Variants in SLC38A11 observed in about 807,000 individuals in gnomAD.
SLC38A11 encodes the protein solute carrier family 38 member 11.
A neutral mutation model predicts 49.4 loss-of-function variants in SLC38A11; 51 were observed. That is an observed-to-expected ratio of 1.03 (90% CI 0.83 to 1.30). The LOEUF is 1.30. Among genes scored for constraint, SLC38A11 ranks in the 50% most tolerant of loss-of-function variants. The pLI, the probability that SLC38A11 is intolerant of heterozygous loss-of-function variation, is 0.00. For synonymous variants in SLC38A11, 203 were observed against 192.9 expected (o/e 1.05, Z -0.43); for missense variants, 574 against 556.2 (o/e 1.03, Z -0.32).
At chr2:164,925,782 A>G (rs1686530831) in intron 7 of SLC38A11, among the ~76,000 whole-genome samples, 1 of 152,176 alleles carries the variant, frequency 6.6e-6, no homozygotes, top group African/African-American at 2.4e-5. Flanking sequence ...TCTTCAGAAA[A>G]GGAGTGTGAT....
intron 3 of SLC38A11, among the ~76,000 whole-genome samples, chr2:164,947,379 G>A (rs866712783): frequency 5.9e-5 from 9 of 151,858 alleles, no homozygotes; most frequent in Admixed American, 1.3e-4. Context: ...TGATCCACCC[G>A]CCTAGGCCTC....
In SLC38A11 at chr2:164,897,981, A is replaced by C. The variant is rs1448952583; in HGVS notation, c.*456T>G. 1 of 153,362 alleles carries C rather than the reference A, an allele frequency of 6.5e-6. No individual in the cohort carries two copies. Among genetic ancestry groups the C allele is most frequent in the Non-Finnish European group, 1.4e-5 (1 of 69,134 alleles). 9.5% of individuals were successfully genotyped at this position (153,362 alleles called of 1,614,324 possible). On this transcript the variant is annotated 3_prime_UTR_variant, in exon 12 of 12. Coordinates refer to ENST00000685975, the MANE Select transcript of SLC38A11 (RefSeq NM_001351537.2). The stretch of plus-strand genomic sequence containing the variant: ...CGGAGAGCTCCTCTTTGTTCTTGGG[A>C]TATGTCTTCTTTTCAATCGTTTTGG...
At chr2:164,935,410 C>T (rs761939985) in intron 7 of SLC38A11, among the ~76,000 whole-genome samples, 9 of 150,320 alleles carry the variant, frequency 6.0e-5, no homozygotes, top group Non-Finnish European at 1.0e-4. Context: ...TGGTTTACAC[C>T]TGTTAATCCC....
At chr2:164,905,870 T>C (rs955582886) in intron 11 of SLC38A11, among the ~76,000 whole-genome samples, 2 of 152,170 alleles carry the variant, frequency 1.3e-5, no homozygotes, top group African/African-American at 4.8e-5. Flanking sequence ...AAATAGATAT[T>C]CACAATGTAT....
At chr2:164,952,468 C>T (rs576635942) in intron 3 of SLC38A11, among the ~76,000 whole-genome samples, 4 of 152,208 alleles carry the variant, frequency 2.6e-5, no homozygotes, top group African/African-American at 4.8e-5. Context: ...GAAAAAGGCA[C>T]ATGAAAAGGA....
At chr2:164,948,289 G>A (rs1168441166) in intron 3 of SLC38A11, among the ~76,000 whole-genome samples, 1 of 152,188 alleles carries the variant, frequency 6.6e-6, no homozygotes, top group Non-Finnish European at 1.5e-5. Flanking sequence ...ATTGTATTTG[G>A]AGTCAGATAA....
chr2:164,954,958 TC>T (rs1688750879), intron 1 of SLC38A11, among the ~76,000 whole-genome samples: 1 of 151,974 alleles, frequency 6.6e-6, no homozygotes, highest in Non-Finnish European at 1.5e-5. Context: ...TCCTAAAATT[TC>T]CAGATTACAG....
intron 5 of SLC38A11, 55 bp from the exon 6 acceptor site, chr2:164,939,611 C>A: frequency 8.7e-7 from 1 of 1,143,984 alleles, no homozygotes; most frequent in Non-Finnish European, 1.3e-6. Flanking sequence ...ACATTGGTGA[C>A]ACACTAAATA....
chr2:164,947,537 C>T (rs1159862137), intron 3 of SLC38A11, among the ~76,000 whole-genome samples: 1 of 151,988 alleles, frequency 6.6e-6, no homozygotes, highest in Non-Finnish European at 1.5e-5. Context: ...CAGCTCAGAC[C>T]CCCTTCAAAA....
At position 164,915,288 on chromosome 2, in the gene SLC38A11, A is replaced by G; in HGVS notation, c.689-15T>C. On this transcript the variant is annotated splice_polypyrimidine_tract_variant and intron_variant, in intron 8 of 11. Transcript: ENST00000685975. Reference sequence around the variant, plus strand: ...GCAAATAAATGCTGCAATACAAAAAAAAAGAGCATTATTAAATCAAGCACC... The same window carrying G: ...GCAAATAAATGCTGCAATACAAAAAGAAAGAGCATTATTAAATCAAGCACC... The G allele has an allele frequency of 1.3e-6, 2 of 1,578,946 alleles. No homozygotes were observed. Among genetic ancestry groups the G allele is most frequent in the Non-Finnish European group, 1.7e-6 (2 of 1,168,678 alleles).
rs2105435387 is a variant in SLC38A11, at chr2:164,895,691, C to G, written c.*2746G>C. ...CCAGGCAAGGCAGTTTACTTCTTCT[C>G]CCATCCAAGTACTAACAAGGCCAGA... is the stretch of plus-strand genomic sequence containing the variant. On this transcript the variant is annotated 3_prime_UTR_variant, in exon 12 of 12. Coordinates refer to ENST00000685975, the MANE Select transcript of SLC38A11 (RefSeq NM_001351537.2). 6.6e-6 allele frequency: 1 copy of G among 152,280 alleles called. No homozygotes were observed. The highest frequency in any genetic ancestry group is 2.1e-4 in the South Asian group (1 of 4,826). The allele number at this position is 152,280 out of a possible 1,614,324, so 9.4% of individuals were successfully genotyped here.
Position 164,898,397 on chromosome 2 carries a change from T to G in SLC38A11, c.*40A>C. 1.4e-6 allele frequency: 2 copies of G among 1,419,750 alleles called. No individual in the cohort carries two copies. Among genetic ancestry groups the G allele is most frequent in the African/African-American group, 2.9e-5 (2 of 69,832 alleles). 87.9% of individuals were successfully genotyped at this position (1,419,750 alleles called of 1,614,324 possible). A position where few individuals can be genotyped will look rare whatever the true frequency, so the allele number is the denominator to read the frequency against. On this transcript the variant is annotated 3_prime_UTR_variant, in exon 12 of 12. Transcript: ENST00000685975. ...AAGCAAGCGTAAATGTTATGTGTTT[T>G]AAAGTCTATGAAAACATACATATTT...
At chr2:164,906,749 T>A (rs1454001343) in intron 11 of SLC38A11, among the ~76,000 whole-genome samples, 1 of 152,180 alleles carries the variant, frequency 6.6e-6, no homozygotes, top group African/African-American at 2.4e-5. Context: ...CCTTCCACTG[T>A]TGGTAGAATA....
At chr2:164,954,500 A>G (rs1450528907) in intron 2 of SLC38A11, 131 bp downstream of exon 2, 1 of 493,548 alleles carries the variant, frequency 2.0e-6, no homozygotes. Context: ...GAAGCCTTTT[A>G]TGGAAGAAAA....
At chr2:164,945,235 C>A (rs192533991) in intron 4 of SLC38A11, among the ~76,000 whole-genome samples, 25 of 149,552 alleles carry the variant, frequency 1.7e-4, no homozygotes, top group Non-Finnish European at 3.0e-4. Context: ...GCCTAGTACA[C>A]GGCTTCCACA....
At chr2:164,942,441 A>AC (rs1687841436) in intron 5 of SLC38A11, among the ~76,000 whole-genome samples, 1 of 151,316 alleles carries the variant, frequency 6.6e-6, no homozygotes, top group African/African-American at 2.4e-5. Flanking sequence ...TCAAAAAAAA[A>AC]AAAAAACAAA....
In SLC38A11 at chr2:164,894,824, T is replaced by C. The variant is rs1684358386; in HGVS notation, c.*3613A>G. ...GGCAAAGGATAACACATTTAATATGTACCAATTGCTCTCCCTCCTACATCT... is the reference window on the plus strand; with the variant it reads ...GGCAAAGGATAACACATTTAATATGCACCAATTGCTCTCCCTCCTACATCT... On this transcript the variant is annotated 3_prime_UTR_variant, in exon 12 of 12. Coordinates refer to ENST00000685975, the MANE Select transcript of SLC38A11 (RefSeq NM_001351537.2). 6.6e-6 allele frequency among the ~76,000 whole-genome samples: 1 copy of C among 152,188 alleles called. No homozygotes were observed. Among genetic ancestry groups the C allele is most frequent in the Non-Finnish European group, 1.5e-5 (1 of 68,032 alleles).
chr2:164,945,786 TTTAAC>T, intron 3 of SLC38A11, 59 bp from the exon 4 acceptor site: 1 of 1,544,308 alleles, frequency 6.5e-7, no homozygotes, highest in Non-Finnish European at 8.7e-7. Context: ...TTTTTCATGT[TTTAAC>T]TTAATTACCA....
intron 11 of SLC38A11, among the ~76,000 whole-genome samples, chr2:164,905,236 G>A (rs1684914954): frequency 6.6e-6 from 1 of 151,956 alleles, no homozygotes. Flanking sequence ...TCCTGTCTCA[G>A]CCTCCCGAGT....
Sources: allele counts gnomAD v4.1 joint callset (sites outside exome capture counted in the v4.1 genomes callset), GRCh38; gene constraint gnomAD v4.1.1; transcripts MANE v1.5; gene names NCBI Gene and HGNC (gene_info 2026-07-23, HGNC 2026-07-21).